ZSCAN5A: variants seen among roughly 807,000 people sequenced by gnomAD.
ZSCAN5A encodes the protein zinc finger and SCAN domain-containing protein 5A.
In ZSCAN5A, 12 loss-of-function variants were observed where a neutral mutation model predicts 23.7. The ratio of observed to expected loss-of-function variants is 0.51; its 90% CI spans 0.32 to 0.82. The LOEUF is 0.82. ZSCAN5A is among the 40% of genes least tolerant of loss of function. The probability of loss-of-function intolerance (pLI) is 0.03; values close to 1 mark genes in which losing one functional copy is unlikely to be tolerated. For missense variants in ZSCAN5A, 597 were observed against 617.9 expected (o/e 0.97, Z 0.36); for synonymous variants, 257 against 239.9 (o/e 1.07, Z -0.66).
chr19:56,362,027 G>A (rs1042972565), intron 2 of ZSCAN5A, among the ~76,000 whole-genome samples: 6 of 151,658 alleles, frequency 4.0e-5, no homozygotes, highest in East Asian at 2.0e-4. Flanking sequence ...GCGGGGTGGC[G>A]GGCACCTGTA....
chr19:56,321,990 T>C (rs2041380852), intron 2 of ZSCAN5A: 2 of 779,784 alleles, frequency 2.6e-6, no homozygotes, highest in Non-Finnish European at 2.4e-6. Context: ...CTTCTGCTGC[T>C]GGTCCCTGGT....
At chr19:56,287,883 A>C (rs1482035138) in intron 2 of ZSCAN5A, among the ~76,000 whole-genome samples, 2 of 152,236 alleles carry the variant, frequency 1.3e-5, no homozygotes, top group African/African-American at 4.8e-5. Context: ...TAAGAGGTGT[A>C]AATGCCACAA....
chr19:56,265,055 G>C (rs561287902), intron 2 of ZSCAN5A, among the ~76,000 whole-genome samples: 1 of 152,234 alleles, frequency 6.6e-6, no homozygotes. Context: ...CTGGGAGGCG[G>C]AGGTTGCAGT....
chr19:56,296,868 T>C (rs560859300), intron 2 of ZSCAN5A, among the ~76,000 whole-genome samples: 53 of 152,278 alleles, frequency 3.5e-4, no homozygotes, highest in Admixed American at 2.4e-3. Context: ...ACTCCGTCTC[T>C]ACTAAAATAC....
chr19:56,243,141 C>A (rs368283136), intron 2 of ZSCAN5A, among the ~76,000 whole-genome samples: 10 of 136,204 alleles, frequency 7.3e-5, no homozygotes, highest in East Asian at 4.7e-4. Context: ...ACTTTAAATC[C>A]ATTTTCTGAG....
At chr19:56,241,959 C>T (rs181901627) in intron 2 of ZSCAN5A, among the ~76,000 whole-genome samples, 10 of 152,250 alleles carry the variant, frequency 6.6e-5, no homozygotes, top group Admixed American at 2.0e-4. Context: ...GAGGAGCACC[C>T]GATAGGTAGT....
At chr19:56,229,817 T>C (rs10403183) in intron 2 of ZSCAN5A, among the ~76,000 whole-genome samples, 36,663 of 152,016 alleles carry the variant, frequency 0.24, 4,482 homozygotes, top group Middle Eastern at 0.29. Context: ...CCTGGTTAAA[T>C]TTATTACCAG....
At chr19:56,232,173 A>G (rs910576980) in intron 2 of ZSCAN5A, among the ~76,000 whole-genome samples, 4 of 151,710 alleles carry the variant, frequency 2.6e-5, no homozygotes, top group African/African-American at 9.7e-5. Flanking sequence ...GATGGGTCTC[A>G]CTACATTGCC....
intron 1 of ZSCAN5A, chr19:56,368,039 A>G (rs2041784354): frequency 6.6e-6 from 1 of 152,358 alleles, no homozygotes; most frequent in South Asian, 2.1e-4. Context: ...TTCAGCCCTC[A>G]GAAGGCAACC....
At chr19:56,291,926 G>T (rs1297049075) in intron 2 of ZSCAN5A, among the ~76,000 whole-genome samples, 1 of 152,180 alleles carries the variant, frequency 6.6e-6, no homozygotes, top group Non-Finnish European at 1.5e-5. Context: ...CGAGGCACCA[G>T]AGCAGCACTT....
chr19:56,303,052 G>A, intron 2 of ZSCAN5A: 7 of 395,262 alleles, frequency 1.8e-5, no homozygotes, highest in Non-Finnish European at 3.1e-5. Context: ...AAGCCTTTCT[G>A]CAGGAGGTGA....
rs764516959 is a variant in ZSCAN5A, at chr19:56,352,599, A to G, written c.-358+10636T>C. Among the ~76,000 whole-genome samples the G allele has an allele frequency of 1.3e-5, 2 of 152,238 alleles. No homozygotes were observed. The highest frequency in any genetic ancestry group is 2.9e-5 in the Non-Finnish European group (2 of 68,030). On this transcript the variant is annotated intron_variant, in intron 2 of 6. Transcript: ENST00000587340. This position sits in a 1 kb window ranked among gnomAD's most constrained non-coding sequence, Gnocchi z 4.2. ...ACCCAACTCTGAATATAGCAATGAT[A>G]GTTGGTTTTTTGTAGACAATTATCA...
intron 2 of ZSCAN5A, among the ~76,000 whole-genome samples, chr19:56,309,155 G>A (rs558982067): frequency 1.1e-3 from 162 of 152,252 alleles, no homozygotes; most frequent in African/African-American, 3.6e-3. Context: ...GCAACAACAC[G>A]GCTGAACCTT....
At chr19:56,291,741 T>G (rs1300864328) in intron 2 of ZSCAN5A, among the ~76,000 whole-genome samples, 1 of 149,120 alleles carries the variant, frequency 6.7e-6, no homozygotes, top group Non-Finnish European at 1.5e-5. Context: ...TTTGACCATC[T>G]TTTTTTTTTA....
At chr19:56,315,162 C>T (rs925193364), upstream of ZSCAN5A, 3 of 152,238 alleles carry the variant, frequency 2.0e-5, no homozygotes, top group African/African-American at 7.2e-5. Flanking sequence ...TGTTTTGCGG[C>T]CAGCGAGACG....
chr19:56,313,149 C>A, intron 2 of ZSCAN5A, 134 bp downstream of exon 2: 1 of 217,490 alleles, frequency 4.6e-6, no homozygotes. Flanking sequence ...AATAAAGAAA[C>A]TGCTAAAAGC....
intron 2 of ZSCAN5A, among the ~76,000 whole-genome samples, chr19:56,242,130 C>T (rs1473485414): frequency 3.3e-5 from 5 of 152,152 alleles, no homozygotes; most frequent in South Asian, 2.1e-4. Context: ...TCTCCCATAT[C>T]GGCTGCTCTA....
intron 2 of ZSCAN5A, among the ~76,000 whole-genome samples, chr19:56,359,385 T>G (rs186285654): frequency 6.6e-6 from 1 of 152,126 alleles, no homozygotes; most frequent in Non-Finnish European, 1.5e-5. Context: ...CAGGAAGAAG[T>G]TGAATCCCTG....
intron 1 of ZSCAN5A, among the ~76,000 whole-genome samples, chr19:56,366,753 G>A (rs2041769391): frequency 6.6e-6 from 1 of 152,184 alleles, no homozygotes; most frequent in South Asian, 2.1e-4. Flanking sequence ...CCCAATTCAT[G>A]AACTGCTATC....
Sources: gnomAD v4.1 joint callset for allele counts (sites outside exome capture counted in the v4.1 genomes callset) on GRCh38, gnomAD v4.1.1 for gene constraint, Gnocchi (gnomAD v3.1) non-coding constraint, MANE v1.5 for transcripts, NCBI Gene and HGNC (gene_info 2026-07-23, HGNC 2026-07-21) for gene names.